Variants in DIDO1 observed in about 807,000 individuals in gnomAD.
The protein encoded by DIDO1 is death inducer-obliterator 1.
DIDO1 carries 16 observed loss-of-function variants against 99.4 expected under a neutral mutation model. That is an observed-to-expected ratio of 0.16 (90% CI 0.11 to 0.24). The LOEUF (loss-of-function observed/expected upper bound fraction) is 0.24. Ranked by LOEUF, DIDO1 falls within the 10% of genes least tolerant of loss-of-function variation. The probability of loss-of-function intolerance (pLI) is 1.00; values close to 1 mark genes in which losing one functional copy is unlikely to be tolerated. For missense variants in DIDO1, 2,996 were observed against 3,014.0 expected, an observed-to-expected ratio of 0.99 and a Z score of 0.14; for synonymous variants, 1,366 against 1,239.1, an observed-to-expected ratio of 1.10 and a Z score of -2.15.
At position 62,913,692 on chromosome 20, in the gene DIDO1, G is replaced by A. The variant is rs199644905; in HGVS notation, c.-3+518C>T. ...TTTCTAGTAAAGATGTAGTCTGAGG[G>A]GCTCGCACTAGCCTTTGCCCAGAAG... is the stretch of plus-strand genomic sequence containing the variant. On this transcript the variant is annotated intron_variant, in intron 2 of 15. Transcript: ENST00000395343. 4.6e-5 allele frequency among the ~76,000 whole-genome samples: 7 copies of A among 152,300 alleles called. No individual in the cohort carries two copies. In the East Asian group the frequency reaches 1.4e-3, roughly 29 times the overall value.
intron 1 of DIDO1, among the ~76,000 whole-genome samples, chr20:62,920,334 T>A (rs2065112948): frequency 6.6e-6 from 1 of 152,182 alleles, no homozygotes; most frequent in Non-Finnish European, 1.5e-5. Flanking sequence ...GAGACCTGCA[T>A]AATTCCATGG....
In DIDO1 at chr20:62,880,060, G is replaced by T; in HGVS notation, c.5896C>A (p.Gln1966Lys). ...MPGPRGIQPQQFEDQRVHSPP... is the reference protein window; with the variant it reads ...MPGPRGIQPQKFEDQRVHSPP... ...GAATGGACCCTCTGGTCTTCGAACT[G>T]CTGAGGCTGAATGCCCCTGGGACCT... Residue 1966 changes from glutamine (Q) to lysine (K), a missense_variant, in exon 16 of 16, where the codon CAG (glutamine) becomes AAG (lysine). Transcript: ENST00000395343. 1.2e-6 allele frequency: 2 copies of T among 1,611,568 alleles called. No individual in the cohort carries two copies. Among genetic ancestry groups the T allele is most frequent in the Non-Finnish European group, 1.7e-6 (2 of 1,180,002 alleles).
chr20:62,915,943 T>G (rs1299291528), intron 1 of DIDO1, among the ~76,000 whole-genome samples: 1 of 152,222 alleles, frequency 6.6e-6, no homozygotes, highest in African/African-American at 2.4e-5. Flanking sequence ...TTCTGTTAAG[T>G]AGAATTCAAT....
chr20:62,889,320 G>A (rs1300584267), intron 15 of DIDO1: 2 of 985,314 alleles, frequency 2.0e-6, no homozygotes, highest in African/African-American at 3.5e-5. Flanking sequence ...ACTGCCCAGT[G>A]TGGGGAACCC....
Position 62,881,281 on chromosome 20 carries a change from C to G in DIDO1, c.4675G>C (p.Asp1559His), listed in dbSNP as rs776763195. The change falls in exon 16 of 16, where the codon GAC becomes CAC. Residue 1559 changes from aspartate (D) to histidine (H), a missense_variant. This residue lies in a region of DIDO1 where 1,562 missense variants were observed against 1,412.6 expected (regional missense o/e 1.11). Transcript: ENST00000395343. This position sits in a 1 kb window ranked among gnomAD's most constrained non-coding sequence, Gnocchi z 8.3. ...GCCAGGCGCCTCGCCTGCCGGGGGTCCCTGTGGTTTGACGCCTGGCTGGCG... is the reference window on the plus strand; with the variant it reads ...GCCAGGCGCCTCGCCTGCCGGGGGTGCCTGTGGTTTGACGCCTGGCTGGCG... ...PPASQASNHR[D>H]PRQARRLATE... The G allele has an allele frequency of 1.9e-6, 3 of 1,605,102 alleles. No individual in the cohort carries two copies. The highest frequency in any genetic ancestry group is 2.5e-6 in the Non-Finnish European group (3 of 1,179,574).
Position 62,896,678 on chromosome 20 carries a change from C to G in DIDO1, c.1907G>C (p.Gly636Ala). 6.2e-7 allele frequency: 1 copy of G among 1,613,976 alleles called. No individual in the cohort carries two copies. The highest frequency in any genetic ancestry group is 1.3e-5 in the African/African-American group (1 of 75,046). Residue 636 changes from glycine (G) to alanine (A), a missense_variant, in exon 7 of 16, where the codon GGA becomes GCA. Gly to Ala is a moderately conservative substitution (Grantham distance 60, BLOSUM62 0). Coordinates refer to ENST00000395343, the MANE Select transcript of DIDO1 (RefSeq NM_001193369.2). This position sits in a 1 kb window ranked among gnomAD's most constrained non-coding sequence, Gnocchi z 4.4. ...KKFPGSAALV[G>A]AVRKPVVPSV... The stretch of plus-strand genomic sequence containing the variant: ...AGGTACCACTGGCTTCCTTACGGCT[C>G]CCACCAAAGCAGCGGAGCCAGGGAA...
In DIDO1 at chr20:62,880,379, C is replaced by G; in HGVS notation, c.5577G>C (p.Pro1859=). 1 of 1,612,828 alleles carries G rather than the reference C, an allele frequency of 6.2e-7. No homozygotes were observed. The highest frequency in any genetic ancestry group is 1.1e-5 in the South Asian group (1 of 91,072). ...HGEKREFQDA[P]YNEVTGAPAQ... is the part of the protein sequence containing the mutation. Reference sequence around the variant, plus strand: ...CGGGGGCGCCCGTCACCTCGTTATACGGGGCGTCCTGGAACTCCCTCTTCT... The same window carrying G: ...CGGGGGCGCCCGTCACCTCGTTATAGGGGGCGTCCTGGAACTCCCTCTTCT... The change falls in exon 16 of 16, where the codon CCG becomes CCC. Residue 1859 remains proline, a synonymous_variant. Transcript: ENST00000395343.
At position 62,920,513 on chromosome 20, in the gene DIDO1, A is replaced by G. The variant is rs1451926576; in HGVS notation, c.-200+5926T>C. 2.6e-5 allele frequency among the ~76,000 whole-genome samples: 4 copies of G among 152,196 alleles called. No individual in the cohort carries two copies. The East Asian group carries it at 5.8e-4, about 22-fold the overall frequency. ...CACACTTGCCCCAAGGGGCAAGCAC[A>G]TGGTTGAGCCACTAAAAATTGTTCA... On this transcript the variant is annotated intron_variant, in intron 1 of 15. Coordinates refer to ENST00000395343, the MANE Select transcript of DIDO1 (RefSeq NM_001193369.2).
chr20:62,934,494 TA>T (rs1215152095), intron 1 of DIDO1, among the ~76,000 whole-genome samples: 1 of 152,170 alleles, frequency 6.6e-6, no homozygotes, highest in Non-Finnish European at 1.5e-5. Flanking sequence ...CACCACCCTA[TA>T]AATTCATAGG....
intron 15 of DIDO1, chr20:62,887,509 G>C: frequency 1.0e-6 from 1 of 985,458 alleles, no homozygotes; most frequent in South Asian, 4.7e-5. Context: ...ACAGAGGGCG[G>C]TGTTTCCTCC....
At chr20:62,893,348 G>GC (rs1568841946) in intron 12 of DIDO1, among the ~76,000 whole-genome samples, 2 of 152,204 alleles carry the variant, frequency 1.3e-5, no homozygotes, top group Admixed American at 6.5e-5. Context: ...GTGAACGCTT[G>GC]CAAGTTTTAC....
intron 1 of DIDO1, among the ~76,000 whole-genome samples, chr20:62,917,251 A>C (rs1360463510): frequency 2.0e-5 from 3 of 152,070 alleles, no homozygotes; most frequent in Admixed American, 6.6e-5. Flanking sequence ...AGCTGGTCTC[A>C]AACTCCTGGG....
At chr20:62,905,562 A>G (rs1172020155) in intron 6 of DIDO1, 15 of 1,551,090 alleles carry the variant, frequency 9.7e-6, no homozygotes, top group Non-Finnish European at 1.3e-5. Context: ...TGGCTATGCA[A>G]TCAGACTGGG....
intron 1 of DIDO1, among the ~76,000 whole-genome samples, chr20:62,924,817 G>A (rs1224088371): frequency 1.3e-5 from 2 of 152,126 alleles, no homozygotes; most frequent in African/African-American, 2.4e-5. Context: ...ACAGCACAAT[G>A]AGCTCTGCTT....
Position 62,882,326 on chromosome 20 carries a change from C to T in DIDO1, c.3630G>A (p.Lys1210=), listed in dbSNP as rs1416384867. The T allele has an allele frequency of 6.8e-6, 11 of 1,614,064 alleles. No homozygotes were observed. Among genetic ancestry groups the T allele is most frequent in the Non-Finnish European group, 9.3e-6 (11 of 1,180,028 alleles). ...KRPANSGELD[K]MDEKRTRLQP... ...GAAGTCGGGTCCGCTTTTCGTCCAT[C>T]TTGTCTAACTCTCCACTGTTTGCGG... is the stretch of plus-strand genomic sequence containing the variant. The change falls in exon 16 of 16, where the codon AAG becomes AAA. Residue 1210 remains lysine (K), a synonymous_variant. Transcript: ENST00000395343.
Position 62,879,781 on chromosome 20 carries a change from G to C in DIDO1, c.6175C>G (p.Pro2059Ala), listed in dbSNP as rs750041972. The change falls in exon 16 of 16, where the codon CCC becomes GCC. Residue 2059 changes from proline (P) to alanine (A), a missense_variant. Pro to Ala is a conservative substitution (Grantham distance 27, BLOSUM62 -1). Coordinates refer to ENST00000395343, the MANE Select transcript of DIDO1 (RefSeq NM_001193369.2). The surrounding 1 kb of genome is among the most constrained non-coding windows in gnomAD (Gnocchi z 6.3). ...GATGCCCACTGTCCGTCGGCCTCGG[G>C]GCCCTGTCCGGGCGCACTGGAGGAG... ...ALSSSAPGQGPEADGQWASAD... is the reference protein window; with the variant it reads ...ALSSSAPGQGAEADGQWASAD... 2.5e-6 allele frequency: 4 copies of C among 1,611,506 alleles called. No individual in the cohort carries two copies. The highest frequency in any genetic ancestry group is 3.4e-6 in the Non-Finnish European group (4 of 1,179,784).
rs374810852 is a variant in DIDO1, at chr20:62,889,416, A to C, written c.3541+1544T>G. The C allele has an allele frequency of 3.9e-5, 38 of 985,434 alleles. No individual in the cohort carries two copies. In the East Asian group the frequency reaches 5.7e-4, roughly 15 times the overall value. 61.0% of individuals were successfully genotyped at this position (985,434 alleles called of 1,614,324 possible). A position where few individuals can be genotyped will look rare whatever the true frequency, so the allele number is the denominator to read the frequency against. On this transcript the variant is annotated intron_variant, in intron 15 of 15. Coordinates refer to ENST00000395343, the MANE Select transcript of DIDO1 (RefSeq NM_001193369.2). The stretch of plus-strand genomic sequence containing the variant: ...CAAGTTTGGAGATGAGCAGGGAGAG[A>C]AGCTCAAGAAAGGATGAAATATCGC...
rs775257087 is a variant in DIDO1 at position 62,905,957 on chromosome 20, C to T, written c.1518G>A (p.Ala506=). ...TTACTGCATTGTAATTGTGATCGCTCGCCCACGACGGCGTGCTGCTCTCAC... is the reference window on the plus strand; with the variant it reads ...TTACTGCATTGTAATTGTGATCGCTTGCCCACGACGGCGTGCTGCTCTCAC... The part of the protein sequence containing the change: ...AACESSTPSW[A]SDHNYNAVKP... The change falls in exon 6 of 16, where the codon GCG becomes GCA. Residue 506 remains alanine (A), a synonymous_variant. Transcript: ENST00000395343. 23 of 1,613,926 alleles carry T rather than the reference C, an allele frequency of 1.4e-5. No individual in the cohort carries two copies. In the East Asian group the frequency reaches 3.3e-4, roughly 23 times the overall value.
chr20:62,902,004 G>A (rs559042752), intron 6 of DIDO1, among the ~76,000 whole-genome samples: 2 of 151,898 alleles, frequency 1.3e-5, no homozygotes, highest in South Asian at 2.1e-4. Flanking sequence ...CCACAGCTCC[G>A]AAAGGTCCTA....
Sources: gnomAD v4.1 joint callset for allele counts (sites outside exome capture counted in the v4.1 genomes callset) on GRCh38, gnomAD v4.1.1 for gene constraint, gnomAD v4.1.1 regional missense constraint, Gnocchi (gnomAD v3.1) non-coding constraint, MANE v1.5 for transcripts, NCBI Gene and HGNC (gene_info 2026-07-23, HGNC 2026-07-21) for gene names.